Variants in RIMBP2 observed in about 807,000 individuals in gnomAD.
RIMBP2 encodes the protein RIMS-binding protein 2.
Under a neutral mutation model 118.6 loss-of-function variants are expected in RIMBP2, and 48 were observed. The ratio of observed to expected loss-of-function variants is 0.40; its 90% CI spans 0.32 to 0.51. The LOEUF (loss-of-function observed/expected upper bound fraction) is 0.51, where lower values mean the gene tolerates loss of function less well. RIMBP2 is among the 20% of genes least tolerant of loss of function. The pLI, the probability that RIMBP2 is intolerant of heterozygous loss-of-function variation, is 0.41. For missense variants in RIMBP2, 1,551 were observed against 1,768.3 expected, an observed-to-expected ratio of 0.88 and a Z score of 2.20; for synonymous variants, 762 against 742.9, an observed-to-expected ratio of 1.03 and a Z score of -0.42.
chr12:130,580,926 G>GGGGT (rs2058433630), intron 2 of RIMBP2, among the ~76,000 whole-genome samples: 2 of 149,340 alleles, frequency 1.3e-5, no homozygotes, highest in South Asian at 2.1e-4. Flanking sequence ...ACCCAGCAAT[G>GGGGT]GTGTGTGTGT....
In RIMBP2 at chr12:130,531,267, G is replaced by A. The variant is rs150992474; in HGVS notation, c.-216-13350C>T. Among the ~76,000 whole-genome samples, 239 of 152,270 alleles carry A rather than the reference G, an allele frequency of 1.6e-3. 1 individual carries two copies. The highest frequency in any genetic ancestry group is 5.5e-3 in the African/African-American group (229 of 41,556). On this transcript the variant is annotated intron_variant, in intron 2 of 22. Transcript: ENST00000690449. ...TAACGTTTACAAAGTACACATACCT[G>A]TATAACCATGACCCAGATGAAGAAG... is the stretch of plus-strand genomic sequence containing the variant.
chr12:130,694,993 T>C (rs2065498502), intron 1 of RIMBP2, among the ~76,000 whole-genome samples: 1 of 152,252 alleles, frequency 6.6e-6, no homozygotes, highest in Non-Finnish European at 1.5e-5. Context: ...CCACAACAGA[T>C]CAGTTTCCCG....
chr12:130,681,739 G>A (rs1276470323), intron 1 of RIMBP2, among the ~76,000 whole-genome samples: 1 of 151,964 alleles, frequency 6.6e-6, no homozygotes, highest in African/African-American at 2.4e-5. Flanking sequence ...CTGTAGCCCA[G>A]GCTGGAATGC....
intron 1 of RIMBP2, among the ~76,000 whole-genome samples, chr12:130,671,404 T>C (rs1033872175): frequency 2.0e-5 from 3 of 152,222 alleles, no homozygotes; most frequent in African/African-American, 7.2e-5. Context: ...CTCTGATCGA[T>C]TTCCCTTATT....
chr12:130,610,768 G>T (rs1003132972), intron 2 of RIMBP2, among the ~76,000 whole-genome samples: 8 of 151,672 alleles, frequency 5.3e-5, no homozygotes, highest in African/African-American at 1.9e-4. Context: ...CACCGTGTTA[G>T]CCAGGATGGT....
chr12:130,508,952 T>C (rs2138864190), intron 3 of RIMBP2, among the ~76,000 whole-genome samples: 1 of 152,186 alleles, frequency 6.6e-6, no homozygotes, highest in African/African-American at 2.4e-5. Context: ...GAGAGGCTCA[T>C]CCTCATGGCC....
intron 2 of RIMBP2, among the ~76,000 whole-genome samples, chr12:130,591,746 T>C (rs1006644653): frequency 1.3e-5 from 2 of 152,216 alleles, no homozygotes; most frequent in Non-Finnish European, 2.9e-5. Context: ...CAGAGATCTG[T>C]AATTGAATTA....
chr12:130,595,828 G>A (rs888582119), intron 2 of RIMBP2, among the ~76,000 whole-genome samples: 8 of 152,194 alleles, frequency 5.3e-5, no homozygotes, highest in Admixed American at 1.3e-4. Flanking sequence ...GCCAGCGTTC[G>A]GCTAAGGAAC....
chr12:130,433,144 G>A (rs982291463), intron 14 of RIMBP2, among the ~76,000 whole-genome samples: 1 of 152,156 alleles, frequency 6.6e-6, no homozygotes, highest in African/African-American at 2.4e-5. Context: ...CAGAGGACCG[G>A]CCTTACACAC....
At chr12:130,537,146 G>A (rs2139469575) in intron 2 of RIMBP2, among the ~76,000 whole-genome samples, 1 of 152,264 alleles carries the variant, frequency 6.6e-6, no homozygotes, top group East Asian at 1.9e-4. Flanking sequence ...GCAGAACAAT[G>A]ATGCCACCAG....
At chr12:130,456,776 G>A in intron 6 of RIMBP2, 76 bp from the exon 7 acceptor site, 1 of 1,131,114 alleles carries the variant, frequency 8.8e-7, no homozygotes, top group South Asian at 1.5e-5. Context: ...GTTCACATGT[G>A]TTGTACGTGT....
In RIMBP2 at chr12:130,683,005, G is replaced by A. The variant is rs747144419; in HGVS notation, c.-352+33217C>T. Among the ~76,000 whole-genome samples the A allele has an allele frequency of 1.2e-4, 18 of 152,180 alleles. No homozygotes were observed. The highest frequency in any genetic ancestry group is 3.9e-4 in the Admixed American group (6 of 15,280). On this transcript the variant is annotated intron_variant, in intron 1 of 22. Transcript: ENST00000690449. This position sits in a 1 kb window ranked among gnomAD's most constrained non-coding sequence, Gnocchi z 4.4. ...TTTGTTGTCTAATTATGTCGGAGGC[G>A]CACTATGTCTCATTCTTTTATCTTT...
intron 7 of RIMBP2, among the ~76,000 whole-genome samples, chr12:130,451,646 T>G (rs1405258079): frequency 6.6e-6 from 1 of 152,006 alleles, no homozygotes; most frequent in Non-Finnish European, 1.5e-5. Context: ...GCTCCTTTCC[T>G]TGGCTTAAAA....
chr12:130,676,039 C>T (rs1348481383), intron 1 of RIMBP2, among the ~76,000 whole-genome samples: 1 of 152,228 alleles, frequency 6.6e-6, no homozygotes, highest in African/African-American at 2.4e-5. Context: ...CGTGAGGACA[C>T]AGCCTTGAAG....
At chr12:130,412,902 A>AT in intron 18 of RIMBP2, 115 bp from the exon 19 acceptor site, 1 of 1,017,456 alleles carries the variant, frequency 9.8e-7, no homozygotes, top group Non-Finnish European at 1.4e-6. Flanking sequence ...ATAGTTTAAA[A>AT]ATACCATAAA....
chr12:130,519,307 T>C (rs1433330068), intron 2 of RIMBP2, among the ~76,000 whole-genome samples: 1 of 152,202 alleles, frequency 6.6e-6, no homozygotes, highest in African/African-American at 2.4e-5. Flanking sequence ...CAACCTTCCT[T>C]TTTTCTTAGC....
chr12:130,638,086 T>A (rs970060725), intron 1 of RIMBP2, among the ~76,000 whole-genome samples: 1 of 152,174 alleles, frequency 6.6e-6, no homozygotes, highest in African/African-American at 2.4e-5. Context: ...GAATAACTTG[T>A]GAGTCACGAA....
intron 1 of RIMBP2, among the ~76,000 whole-genome samples, chr12:130,632,654 G>A (rs2062073071): frequency 6.6e-6 from 1 of 152,116 alleles, no homozygotes; most frequent in South Asian, 2.1e-4. Context: ...CAGGCTGACT[G>A]GAGAGCTTGC....
chr12:130,510,443 G>T (rs1009696819), intron 3 of RIMBP2, among the ~76,000 whole-genome samples: 2 of 151,904 alleles, frequency 1.3e-5, no homozygotes, highest in Non-Finnish European at 2.9e-5. Flanking sequence ...AGTCCATGGA[G>T]GACCTCGGGG....
Sources: gnomAD v4.1 joint callset for allele counts (sites outside exome capture counted in the v4.1 genomes callset) on GRCh38, gnomAD v4.1.1 for gene constraint, Gnocchi (gnomAD v3.1) non-coding constraint, MANE v1.5 for transcripts, NCBI Gene and HGNC (gene_info 2026-07-23, HGNC 2026-07-21) for gene names.